Variants in KIF1A observed in about 807,000 individuals in gnomAD.
KIF1A encodes the protein kinesin family member 1A, also known as kinesin-like protein KIF1A.
In KIF1A, 46 loss-of-function variants were observed where a neutral mutation model predicts 227.3. The observed-to-expected ratio is 0.20, with a 90% CI of 0.16 to 0.26. KIF1A has a LOEUF of 0.26. Ranked by LOEUF, KIF1A falls within the 10% of genes least tolerant of loss-of-function variation. The pLI is 1.00. For missense variants in KIF1A, 1,683 were observed against 2,485.9 expected (o/e 0.68, Z 6.87); for synonymous variants, 1,022 against 1,012.8 (o/e 1.01, Z -0.17).
intron 5 of KIF1A, among the ~76,000 whole-genome samples, chr2:240,786,834 G>GCCAGCATCAGGACCC (rs1553638780): frequency 1.3e-5 from 2 of 148,544 alleles, no homozygotes; most frequent in African/African-American, 5.2e-5. Flanking sequence ...GAGGGTGGGG[G>GCCAGCATCAGGACCC]CTGCCTGCTG....
At position 240,725,431 on chromosome 2, in the gene KIF1A, G is replaced by C; in HGVS notation, c.4123-27C>G. The stretch of plus-strand genomic sequence containing the variant: ...TGAGATAGGCGGGAGCAGGACTCAG[G>C]CACAAGGACACCCCGAGTGCCCAGG... On this transcript the variant is annotated intron_variant, in intron 39 of 48. Transcript: ENST00000498729. This position sits in a 1 kb window ranked among gnomAD's most constrained non-coding sequence, Gnocchi z 5.8. 6.2e-7 allele frequency: 1 copy of C among 1,609,018 alleles called. No homozygotes were observed. The highest frequency in any genetic ancestry group is 8.5e-7 in the Non-Finnish European group (1 of 1,177,664).
intron 33 of KIF1A, 129 bp downstream of exon 33, chr2:240,743,813 C>G: frequency 1.6e-6 from 1 of 633,168 alleles, no homozygotes; most frequent in Non-Finnish European, 2.8e-6. Flanking sequence ...CAAAAGGCCT[C>G]CTGGATGGGC....
chr2:240,816,121 A>G (rs2058296381), intron 1 of KIF1A, among the ~76,000 whole-genome samples: 1 of 149,856 alleles, frequency 6.7e-6, no homozygotes, highest in Admixed American at 6.7e-5. Flanking sequence ...AACCCAGGCA[A>G]GAACAAAGAC....
At chr2:240,759,699 T>G (rs2050284677) in intron 25 of KIF1A, among the ~76,000 whole-genome samples, 3 of 152,156 alleles carry the variant, frequency 2.0e-5, no homozygotes, top group African/African-American at 4.8e-5. Flanking sequence ...ACATGGTGAC[T>G]CAGTCACCCC....
rs946466126 is a variant in KIF1A at position 240,778,071 on chromosome 2, C to T, written c.883-2145G>A. ...CAGTTCCTCAGCTCCTCCCGCTCCCCACGCACTTCCTCGCGTTTCTCCACA... is the reference window on the plus strand; with the variant it reads ...CAGTTCCTCAGCTCCTCCCGCTCCCTACGCACTTCCTCGCGTTTCTCCACA... On this transcript the variant is annotated intron_variant, in intron 10 of 48. Transcript: ENST00000498729. The surrounding 1 kb of genome is among the most constrained non-coding windows in gnomAD (Gnocchi z 7.2). Among the ~76,000 whole-genome samples, 1 of 152,158 alleles carries T rather than the reference C, an allele frequency of 6.6e-6. No individual in the cohort carries two copies. Among genetic ancestry groups the T allele is most frequent in the East Asian group, 1.9e-4 (1 of 5,190 alleles).
At position 240,775,020 on chromosome 2, in the gene KIF1A, T is replaced by C. The variant is rs761066736; in HGVS notation, c.959-759A>G. 2.4e-4 allele frequency among the ~76,000 whole-genome samples: 37 copies of C among 152,186 alleles called. No individual in the cohort carries two copies. The highest frequency in any genetic ancestry group is 5.0e-4 in the Non-Finnish European group (34 of 68,000). ...GAAAGCCTCTGTGGGAGGACTCCCC[T>C]GCCCCCGCCCTGGGACTGAACCTGG... On this transcript the variant is annotated intron_variant, in intron 11 of 48. Coordinates refer to ENST00000498729, the MANE Select transcript of KIF1A (RefSeq NM_001244008.2). The surrounding 1 kb of genome is among the most constrained non-coding windows in gnomAD (Gnocchi z 5.5).
chr2:240,718,644 C>T (rs1474405062), intron 47 of KIF1A, among the ~76,000 whole-genome samples: 2 of 152,246 alleles, frequency 1.3e-5, no homozygotes, highest in Non-Finnish European at 2.9e-5. Flanking sequence ...GGCAGGAGGG[C>T]TCCTCTGAGC....
intron 1 of KIF1A, among the ~76,000 whole-genome samples, chr2:240,809,668 ATT>A (rs59491347): frequency 1.6e-4 from 23 of 140,280 alleles, no homozygotes; most frequent in Non-Finnish European, 1.2e-4. Flanking sequence ...TAGGGAAGGA[ATT>A]TTTTTTTTTT....
chr2:240,802,915 T>A (rs1203895874), intron 1 of KIF1A, among the ~76,000 whole-genome samples: 1 of 152,176 alleles, frequency 6.6e-6, no homozygotes, highest in Non-Finnish European at 1.5e-5. Context: ...CAGGTGTGAG[T>A]CACCATGCCC....
chr2:240,802,474 A>G (rs1296765509), intron 1 of KIF1A, among the ~76,000 whole-genome samples: 1 of 152,258 alleles, frequency 6.6e-6, no homozygotes, highest in Admixed American at 6.5e-5. Context: ...TAAATACACC[A>G]AGTAAAACAT....
chr2:240,726,773 A>G lies in KIF1A; in HGVS notation c.4122+53T>C. The G allele has an allele frequency of 9.0e-7, 1 of 1,115,836 alleles. No individual in the cohort carries two copies. The highest frequency in any genetic ancestry group is 1.3e-6 in the Non-Finnish European group (1 of 744,810). The allele number at this position is 1,115,836 out of a possible 1,614,324, so 69.1% of individuals were successfully genotyped here. Reference sequence around the variant, plus strand: ...GTTGTCCAGAGCTTACAAGAACCTCAAGCTTCAGGGGCTGAGTGGTTTTGG... The same window carrying G: ...GTTGTCCAGAGCTTACAAGAACCTCGAGCTTCAGGGGCTGAGTGGTTTTGG... On this transcript the variant is annotated intron_variant, in intron 39 of 48. Coordinates refer to ENST00000498729, the MANE Select transcript of KIF1A (RefSeq NM_001244008.2). This position sits in a 1 kb window ranked among gnomAD's most constrained non-coding sequence, Gnocchi z 5.2.
At chr2:240,769,269 C>T (rs2125937960) in intron 16 of KIF1A, 61 bp from the exon 17 acceptor site, 2 of 1,463,668 alleles carry the variant, frequency 1.4e-6, no homozygotes, top group Non-Finnish European at 1.9e-6. Context: ...TGGCCTCAGC[C>T]CTGGCTGACC....
At chr2:240,732,133 G>A (rs148591137) in intron 38 of KIF1A, among the ~76,000 whole-genome samples, 35 of 75,988 alleles carry the variant, frequency 4.6e-4, no homozygotes, top group Non-Finnish European at 6.4e-4. Flanking sequence ...GGGAGGGGAG[G>A]AGGGGATGAG....
chr2:240,722,746 G>A, intron 42 of KIF1A, 90 bp from the exon 43 acceptor site: 1 of 1,085,740 alleles, frequency 9.2e-7, no homozygotes, highest in South Asian at 1.7e-5. Context: ...GACCCTCTGG[G>A]CAGACCCCGG....
At chr2:240,799,896 C>T (rs1466082114) in intron 1 of KIF1A, among the ~76,000 whole-genome samples, 1 of 152,058 alleles carries the variant, frequency 6.6e-6, no homozygotes, top group Admixed American at 6.6e-5. Context: ...TCCAGTTCTC[C>T]CCAAATTTAG....
intron 6 of KIF1A, 45 bp from the exon 7 acceptor site, chr2:240,785,145 C>T (rs372433435): frequency 1.0e-4 from 151 of 1,512,538 alleles, no homozygotes; most frequent in Non-Finnish European, 1.3e-4. Context: ...GTCCTGTGGC[C>T]GGGTGCGAGA....
chr2:240,760,945 C>T, intron 24 of KIF1A, 102 bp from the exon 25 acceptor site: 2 of 1,183,098 alleles, frequency 1.7e-6, no homozygotes, highest in South Asian at 1.5e-5. Flanking sequence ...CAGCTGCCTG[C>T]CCCACAATGG....
At position 240,795,609 on chromosome 2, in the gene KIF1A, C is replaced by T. The variant is rs756545611; in HGVS notation, c.106+2038G>A. Reference sequence around the variant, plus strand: ...GCTGCCAGTGTCGAGGTCTTGGCAACGCTGGCTCACCTCCAGGCTGTACCC... The same window carrying T: ...GCTGCCAGTGTCGAGGTCTTGGCAATGCTGGCTCACCTCCAGGCTGTACCC... On this transcript the variant is annotated intron_variant, in intron 2 of 48. Coordinates refer to ENST00000498729, the MANE Select transcript of KIF1A (RefSeq NM_001244008.2). Among the ~76,000 whole-genome samples the T allele has an allele frequency of 7.9e-5, 12 of 152,188 alleles. No homozygotes were observed. In the South Asian group the frequency reaches 8.3e-4, roughly 10 times the overall value.
At chr2:240,785,754 G>A (rs935163787) in intron 6 of KIF1A, among the ~76,000 whole-genome samples, 2 of 152,192 alleles carry the variant, frequency 1.3e-5, no homozygotes, top group African/African-American at 4.8e-5. Flanking sequence ...AGCCCTTGTG[G>A]GGCCACCAAA....
Sources: gnomAD v4.1 joint callset for allele counts (sites outside exome capture counted in the v4.1 genomes callset) on GRCh38, gnomAD v4.1.1 for gene constraint, Gnocchi (gnomAD v3.1) non-coding constraint, MANE v1.5 for transcripts, NCBI Gene and HGNC (gene_info 2026-07-23, HGNC 2026-07-21) for gene names.